Variants in PCDHA3 observed in about 807,000 individuals in gnomAD.
PCDHA3 encodes protocadherin alpha 3.
Under a neutral mutation model 62.2 loss-of-function variants are expected in PCDHA3, and 41 were observed. The observed-to-expected ratio is 0.66, with a 90% CI of 0.51 to 0.86. The LOEUF is 0.86. Ranked by LOEUF, PCDHA3 falls within the 40% of genes least tolerant of loss-of-function variation. PCDHA3 has a pLI of 0.00. For synonymous variants in PCDHA3, 640 were observed against 555.4 expected (o/e 1.15, Z -2.14); for missense variants, 1,304 against 1,241.2 (o/e 1.05, Z -0.76).
In PCDHA3 at chr5:140,883,232, G is replaced by C. The variant is rs782490836; in HGVS notation, c.2394+79641G>C. 3 of 1,613,952 alleles carry C rather than the reference G, an allele frequency of 1.9e-6. No individual in the cohort carries two copies. The Admixed American group carries it at 5.0e-5, about 27-fold the overall frequency. On this transcript the variant is annotated intron_variant, in intron 1 of 3. Transcript: ENST00000522353. ...GAAATTATATGAAATATCCGTGGAGGCAGTTGACAAAGGAAATATTCCAAT... is the reference window on the plus strand; with the variant it reads ...GAAATTATATGAAATATCCGTGGAGCCAGTTGACAAAGGAAATATTCCAAT...
At chr5:140,822,457 T>C in intron 1 of PCDHA3, 2 of 1,613,784 alleles carry the variant, frequency 1.2e-6, no homozygotes, top group Non-Finnish European at 8.5e-7. Flanking sequence ...AGTTCAGTTG[T>C]TGATCAATGT....
chr5:140,869,546 C>A (rs201504685), intron 1 of PCDHA3: 3 of 1,614,170 alleles, frequency 1.9e-6, no homozygotes, highest in East Asian at 4.5e-5. Flanking sequence ...TCTAAGCAAT[C>A]GGACTCGCGT....
intron 1 of PCDHA3, among the ~76,000 whole-genome samples, chr5:140,971,749 CAT>C (rs143190557): frequency 0.047 from 7,111 of 152,104 alleles, 190 homozygotes; most frequent in Non-Finnish European, 0.062. Context: ...ACATATATCT[CAT>C]ATTACTGAAT....
intron 1 of PCDHA3, among the ~76,000 whole-genome samples, chr5:140,965,185 CAT>C (rs782612335): frequency 4.6e-5 from 7 of 152,138 alleles, no homozygotes; most frequent in Non-Finnish European, 1.0e-4. Flanking sequence ...TTTTTTTGCA[CAT>C]GAGGCAATAG....
chr5:140,879,012 T>C (rs2057811303), intron 1 of PCDHA3, among the ~76,000 whole-genome samples: 1 of 152,236 alleles, frequency 6.6e-6, no homozygotes, highest in African/African-American at 2.4e-5. Flanking sequence ...AGAAATCAGA[T>C]AATGTTTTAT....
At chr5:140,858,328 G>T (rs782462952) in intron 1 of PCDHA3, 1 of 1,596,534 alleles carries the variant, frequency 6.3e-7, no homozygotes, top group South Asian at 1.1e-5. Context: ...GTTCTGGGGA[G>T]GGCCTGCCCA....
At chr5:140,871,284 T>G in intron 1 of PCDHA3, 1 of 1,613,896 alleles carries the variant, frequency 6.2e-7, no homozygotes. Flanking sequence ...CAACGCCCAC[T>G]GAGGGCGCGT....
At chr5:140,926,771 A>C (rs2083548742) in intron 1 of PCDHA3, 11 of 1,372,492 alleles carry the variant, frequency 8.0e-6, no homozygotes, top group Non-Finnish European at 1.0e-5. Context: ...TCCAGCCCGC[A>C]GCAGTGACGG....
chr5:141,010,341 T>G lies in PCDHA3; in HGVS notation c.*404T>G, dbSNP rs199826290. The stretch of plus-strand genomic sequence containing the variant: ...GAGCAGCTTGGGAGTTTGTGGCCAC[T>G]GGGTATGTGTGGCTACCGCGGGTAT... On this transcript the variant is annotated 3_prime_UTR_variant, in exon 4 of 4. Transcript: ENST00000522353. The G allele has an allele frequency of 4.0e-6, 6 of 1,503,220 alleles. No individual in the cohort carries two copies. Among genetic ancestry groups the G allele is most frequent in the Non-Finnish European group, 4.5e-6 (5 of 1,119,592 alleles). The allele number at this position is 1,503,220 out of a possible 1,614,324, so 93.1% of individuals were successfully genotyped here.
intron 1 of PCDHA3, chr5:140,808,700 T>C (rs1554124703): frequency 6.2e-7 from 1 of 1,611,988 alleles, no homozygotes; most frequent in Admixed American, 1.7e-5. Context: ...GCGCGCGCTG[T>C]CGAGCTACGT....
At chr5:140,833,150 C>A (rs1477440208) in intron 1 of PCDHA3, among the ~76,000 whole-genome samples, 1 of 151,886 alleles carries the variant, frequency 6.6e-6, no homozygotes, top group Admixed American at 6.6e-5. Context: ...TGAAGCAATA[C>A]GAATAAAAAG....
At chr5:140,977,925 A>G (rs782072280) in intron 1 of PCDHA3, among the ~76,000 whole-genome samples, 8 of 152,152 alleles carry the variant, frequency 5.3e-5, no homozygotes, top group Non-Finnish European at 1.0e-4. Flanking sequence ...TTTTCATTCA[A>G]CTATACCTCA....
intron 1 of PCDHA3, chr5:140,867,487 T>C (rs1020782942): frequency 1.3e-5 from 2 of 152,026 alleles, no homozygotes; most frequent in African/African-American, 4.8e-5. Context: ...AGAGTAAATA[T>C]GAAAAAAGTA....
At chr5:140,826,525 A>G (rs1377538782) in intron 1 of PCDHA3, among the ~76,000 whole-genome samples, 2 of 152,162 alleles carry the variant, frequency 1.3e-5, no homozygotes, top group East Asian at 3.8e-4. Flanking sequence ...GTCATTTGAA[A>G]AGTCTTATTG....
chr5:140,901,286 C>T (rs1681382612), intron 1 of PCDHA3, among the ~76,000 whole-genome samples: 1 of 151,988 alleles, frequency 6.6e-6, no homozygotes. Flanking sequence ...AAATTTTTGC[C>T]CAGACTGATG....
intron 1 of PCDHA3, chr5:140,805,725 C>T (rs1379153167): frequency 2.1e-6 from 1 of 468,292 alleles, no homozygotes; most frequent in Non-Finnish European, 2.8e-6. Context: ...AAGCTAAAAC[C>T]CAAGTTTTCA....
intron 1 of PCDHA3, chr5:140,876,869 A>G: frequency 1.9e-6 from 3 of 1,614,030 alleles, no homozygotes; most frequent in Non-Finnish European, 2.5e-6. Flanking sequence ...TTCGTGAAGG[A>G]GAACAACCCG....
At chr5:140,875,286 G>GA (rs1582198607) in intron 1 of PCDHA3, 2 of 1,381,840 alleles carry the variant, frequency 1.4e-6, no homozygotes, top group South Asian at 3.3e-5. Flanking sequence ...GGTGAAACAG[G>GA]AAAATTTTTT....
chr5:140,866,263 T>G (rs1051175533), intron 1 of PCDHA3: 1 of 152,174 alleles, frequency 6.6e-6, no homozygotes, highest in Non-Finnish European at 1.5e-5. Context: ...CTTTCTTTAC[T>G]GTGAATAAAG....
Sources: gnomAD v4.1 joint callset for allele counts (sites outside exome capture counted in the v4.1 genomes callset) on GRCh38, gnomAD v4.1.1 for gene constraint, MANE v1.5 for transcripts, NCBI Gene and HGNC (gene_info 2026-07-23, HGNC 2026-07-21) for gene names.